Variants in DOCK11 observed in about 807,000 individuals in gnomAD.
The protein encoded by DOCK11 is dedicator of cytokinesis 11.
Under a neutral mutation model 169.1 loss-of-function variants are expected in DOCK11, and 70 were observed. That is an observed-to-expected ratio of 0.41 (90% CI 0.34 to 0.51). The LOEUF (loss-of-function observed/expected upper bound fraction) is 0.51, where lower values mean the gene tolerates loss of function less well. Ranked by LOEUF, DOCK11 falls within the 20% of genes least tolerant of loss-of-function variation. DOCK11 has a pLI of 0.10. For synonymous variants in DOCK11, 529 were observed against 541.3 expected, an observed-to-expected ratio of 0.98 and a Z score of 0.32; for missense variants, 1,166 against 1,538.8, an observed-to-expected ratio of 0.76 and a Z score of 4.05.
intron 1 of DOCK11, among the ~76,000 whole-genome samples, chrX:118,541,804 TG>T (rs2012013626): frequency 8.9e-6 from 1 of 112,183 alleles, no homozygotes; most frequent in South Asian, 3.7e-4. Context: ...CCCTGCTTCT[TG>T]TTACTTTAGC....
intron 6 of DOCK11, among the ~76,000 whole-genome samples, chrX:118,554,106 G>A (rs2012596106): frequency 8.9e-6 from 1 of 111,750 alleles, no homozygotes; most frequent in Non-Finnish European, 1.9e-5. Flanking sequence ...GGGCTGAAGC[G>A]ATCCTCTTGC....
At chrX:118,645,211 G>A (rs1190155688) in intron 40 of DOCK11, among the ~76,000 whole-genome samples, 2 of 111,286 alleles carry the variant, frequency 1.8e-5, no homozygotes, top group Admixed American at 1.9e-4. Flanking sequence ...AGAGGGATCA[G>A]ATTGGAGAGC....
chrX:118,567,943 T>C (rs570772869), intron 9 of DOCK11, 136 bp from the exon 10 acceptor site: 1 of 303,745 alleles, frequency 3.3e-6, no homozygotes, highest in African/African-American at 2.8e-5. Flanking sequence ...ATTCCTGTTT[T>C]GTACTGACTA....
intron 40 of DOCK11, among the ~76,000 whole-genome samples, chrX:118,643,881 T>G (rs2015593277): frequency 8.9e-6 from 1 of 111,811 alleles, no homozygotes; most frequent in African/African-American, 3.2e-5. Context: ...AGTTCTCTAT[T>G]TTGCTTCTTT....
At chrX:118,516,093 C>CT (rs773184047) in intron 1 of DOCK11, among the ~76,000 whole-genome samples, 1,626 of 54,936 alleles carry the variant, frequency 0.03, 131 homozygotes, top group African/African-American at 0.11. Flanking sequence ...TTTTCTTTTT[C>CT]TTTTTTTTTT....
At chrX:118,510,435 C>T (rs2057643282) in intron 1 of DOCK11, among the ~76,000 whole-genome samples, 1 of 112,617 alleles carries the variant, frequency 8.9e-6, no homozygotes, top group African/African-American at 3.2e-5. Context: ...CCACACAGGA[C>T]TCCCTGAGCC....
Position 118,618,781 on chromosome X carries a change from T to A in DOCK11, c.3471+53T>A, listed in dbSNP as rs113901022. On this transcript the variant is annotated intron_variant, in intron 31 of 52. Transcript: ENST00000276202. ...TCACACTGGTAGAGTTCTACTATGA[T>A]TTTTTATAGAAGATGAAGTTTTTGT... is the stretch of plus-strand genomic sequence containing the variant. The A allele has an allele frequency of 6.4e-6, 6 of 942,663 alleles. No individual in the cohort carries two copies. The African/African-American group carries it at 8.4e-5, about 13-fold the overall frequency. 77.7% of individuals were successfully genotyped at this position (942,663 alleles called of 1,213,427 possible).
In DOCK11 at chrX:118,612,348, TC is replaced by T. The variant is rs1333913943; in HGVS notation, c.3096+1932del. 6.2e-5 allele frequency among the ~76,000 whole-genome samples: 7 copies of T among 112,081 alleles called. No homozygotes were observed. The Admixed American group carries it at 6.7e-4, about 11-fold the overall frequency. ...TTTTTGTGTATTAAAAAAGCCAACA[TC>T]CACATATCTTTTTAAAATAAACTAC... is the stretch of plus-strand genomic sequence containing the variant. On this transcript the variant is annotated intron_variant, in intron 28 of 52. Transcript: ENST00000276202.
chrX:118,515,203 G>A (rs929454039), intron 1 of DOCK11, among the ~76,000 whole-genome samples: 2 of 111,741 alleles, frequency 1.8e-5, no homozygotes, highest in African/African-American at 6.5e-5. Context: ...ATCCGGATGC[G>A]CTCTTCATCT....
chrX:118,677,075 C>T (rs981031963), intron 48 of DOCK11, among the ~76,000 whole-genome samples: 1 of 111,836 alleles, frequency 8.9e-6, no homozygotes, highest in Non-Finnish European at 1.9e-5. Flanking sequence ...TTTCCTGGTA[C>T]ATAAAAAGCA....
intron 51 of DOCK11, 114 bp from the exon 52 acceptor site, chrX:118,682,965 G>T (rs1272458507): frequency 4.4e-6 from 3 of 681,346 alleles, no homozygotes; most frequent in Middle Eastern, 5.3e-4. Context: ...GAAAATAGAG[G>T]ATTCTGATCT....
chrX:118,660,534 G>A (rs770839061), intron 44 of DOCK11, among the ~76,000 whole-genome samples: 1 of 110,103 alleles, frequency 9.1e-6, no homozygotes, highest in East Asian at 2.9e-4. Context: ...TGGTGATCTC[G>A]GCTCACTGCA....
intron 1 of DOCK11, among the ~76,000 whole-genome samples, chrX:118,533,865 A>G (rs759155384): frequency 6.3e-4 from 71 of 112,468 alleles, no homozygotes; most frequent in Non-Finnish European, 8.3e-4. Context: ...GTTGATAGGC[A>G]TAGAATGAGC....
At chrX:118,671,707 T>C (rs894666631) in intron 46 of DOCK11, among the ~76,000 whole-genome samples, 1 of 111,180 alleles carries the variant, frequency 9.0e-6, no homozygotes, top group Admixed American at 9.5e-5. Context: ...TGAGATGGAG[T>C]CTCGCTCTGT....
intron 35 of DOCK11, among the ~76,000 whole-genome samples, chrX:118,630,761 A>G (rs774721181): frequency 4.5e-4 from 51 of 112,650 alleles, no homozygotes; most frequent in Middle Eastern, 4.6e-3. Context: ...AGTGCTAAAC[A>G]TTTTGTTTTC....
intron 1 of DOCK11, among the ~76,000 whole-genome samples, chrX:118,526,839 C>T (rs191419621): frequency 8.9e-6 from 1 of 112,517 alleles, no homozygotes; most frequent in East Asian, 2.8e-4. Context: ...AAGGACTGGA[C>T]TTAAATGGCC....
intron 41 of DOCK11, among the ~76,000 whole-genome samples, chrX:118,651,443 A>G (rs193044633): frequency 9.0e-6 from 1 of 111,481 alleles, no homozygotes; most frequent in Admixed American, 9.6e-5. Context: ...CCCTGTCCCA[A>G]AAAATAAGAA....
At chrX:118,580,665 T>G (rs1350457056) in intron 14 of DOCK11, among the ~76,000 whole-genome samples, 1 of 111,378 alleles carries the variant, frequency 9.0e-6, no homozygotes, top group African/African-American at 3.3e-5. Flanking sequence ...CCCTCTCATT[T>G]TTTTTTTCAT....
At chrX:118,647,789 A>G (rs1473659907) in intron 40 of DOCK11, among the ~76,000 whole-genome samples, 1 of 29,841 alleles carries the variant, frequency 3.4e-5, no homozygotes, top group African/African-American at 2.5e-4. Flanking sequence ...AATATATAAT[A>G]TATTATAATA....
Sources: allele counts gnomAD v4.1 joint callset (sites outside exome capture counted in the v4.1 genomes callset), GRCh38; gene constraint gnomAD v4.1.1; transcripts MANE v1.5; gene names NCBI Gene and HGNC (gene_info 2026-07-23, HGNC 2026-07-21).